Variants in YAE1 observed in about 807,000 individuals in gnomAD.
YAE1 encodes protein YAE1 homolog.
YAE1 carries 22 observed loss-of-function variants against 23.0 expected under a neutral mutation model. The ratio of observed to expected loss-of-function variants is 0.96; its 90% CI spans 0.68 to 1.37. YAE1 has a LOEUF of 1.37. YAE1 is among the 40% of genes most tolerant of loss of function. The pLI, the probability that YAE1 is intolerant of heterozygous loss-of-function variation, is 0.00. For synonymous variants in YAE1, 101 were observed against 97.0 expected, an observed-to-expected ratio of 1.04 and a Z score of -0.24; for missense variants, 260 against 262.1, an observed-to-expected ratio of 0.99 and a Z score of 0.06.
At chr7:39,591,597 C>G (rs564551855) in intron 2 of YAE1, among the ~76,000 whole-genome samples, 1 of 151,672 alleles carries the variant, frequency 6.6e-6, no homozygotes, top group East Asian at 1.9e-4. Flanking sequence ...CTCCTGCCCC[C>G]ACACATGCAT....
At position 39,570,494 on chromosome 7, in the gene YAE1, A is replaced by G. The variant is rs962192529; in HGVS notation, c.130-12A>G. 5.6e-6 allele frequency: 9 copies of G among 1,607,086 alleles called. No individual in the cohort carries two copies. The highest frequency in any genetic ancestry group is 7.6e-6 in the Non-Finnish European group (9 of 1,178,634). On this transcript the variant is annotated splice_polypyrimidine_tract_variant and intron_variant, in intron 1 of 2. Coordinates refer to ENST00000223273, the MANE Select transcript of YAE1 (RefSeq NM_020192.5). ...TTAGTTACAGCTGCACTTCTCCATT[A>G]CTTATTTTTAGGAAGGTTATAGAGA...
At chr7:39,569,833 A>G in intron 1 of YAE1, 1 of 804,000 alleles carries the variant, frequency 1.2e-6, no homozygotes, top group Non-Finnish European at 2.2e-6. Flanking sequence ...AAGTTTATGA[A>G]GTCCTTCTGA....
chr7:39,577,562 G>A (rs564294071), downstream of YAE1, among the ~76,000 whole-genome samples: 180 of 152,328 alleles, frequency 1.2e-3, no homozygotes, highest in African/African-American at 4.3e-3. Flanking sequence ...GCTGCAGAGG[G>A]TGCACCAGGT....
intron 2 of YAE1, among the ~76,000 whole-genome samples, chr7:39,593,753 C>T (rs905877496): frequency 2.0e-5 from 3 of 152,206 alleles, no homozygotes; most frequent in African/African-American, 7.2e-5. Flanking sequence ...GCCACCGCAT[C>T]CAGCCTGGTT....
At chr7:39,578,465 T>G (rs191209562) in intron 2 of YAE1, among the ~76,000 whole-genome samples, 24 of 152,372 alleles carry the variant, frequency 1.6e-4, no homozygotes, top group Admixed American at 1.2e-3. Context: ...TAAATCTTTC[T>G]GCTGTTCACT....
In YAE1 at chr7:39,566,462, A is replaced by T; in HGVS notation, c.44A>T (p.Asp15Val). The T allele has an allele frequency of 1.2e-6, 2 of 1,614,180 alleles. No individual in the cohort carries two copies. Among genetic ancestry groups the T allele is most frequent in the South Asian group, 2.2e-5 (2 of 91,084 alleles). The change falls in exon 1 of 3, where the codon GAC (aspartate) becomes GTC (valine). Residue 15 changes from aspartate to valine, a missense_variant. Transcript: ENST00000223273. ...GCCTCCTTGATCCAGGGCCCTGGAG[A>T]CAAAGGGGACGTGTTTGACGAAGAA... ...QAASLIQGPG[D>V]KGDVFDEEAD...
At chr7:39,594,142 C>A (rs1790944108) in intron 2 of YAE1, among the ~76,000 whole-genome samples, 1 of 152,212 alleles carries the variant, frequency 6.6e-6, no homozygotes, top group Non-Finnish European at 1.5e-5. Context: ...TAGCTGAAAT[C>A]TTTGTTCCAT....
intron 1 of YAE1, chr7:39,569,657 AT>A: frequency 1.5e-6 from 1 of 670,634 alleles, no homozygotes; most frequent in Non-Finnish European, 2.9e-6. Flanking sequence ...GAAAAACAGC[AT>A]ATGATCCCCA....
downstream of YAE1, among the ~76,000 whole-genome samples, chr7:39,573,741 A>G (rs1372676847): frequency 6.6e-6 from 1 of 152,172 alleles, no homozygotes; most frequent in Non-Finnish European, 1.5e-5. Context: ...TTAAAAATGT[A>G]CACTGTACTA....
At chr7:39,593,177 C>CTTTTTTTTTTTTTTTTTTTTTTTT (rs56303591) in intron 2 of YAE1, among the ~76,000 whole-genome samples, 1 of 72,112 alleles carries the variant, frequency 1.4e-5, no homozygotes, top group Non-Finnish European at 2.3e-5. Flanking sequence ...TTGGTTATTT[C>CTTTTTTTTTTTTTTTTTTTTTTTT]TTTTTTTTTT....
intron 2 of YAE1, among the ~76,000 whole-genome samples, chr7:39,594,561 G>A (rs912445123): frequency 6.6e-6 from 1 of 151,652 alleles, no homozygotes; most frequent in Admixed American, 6.6e-5. Flanking sequence ...TTGTGGAATG[G>A]TTGGTCTGAT....
exon 3 of YAE1, chr7:39,610,166 G>A: frequency 1.3e-6 from 1 of 762,954 alleles, no homozygotes; most frequent in South Asian, 1.9e-5. Context: ...TTTGGGAGGA[G>A]TATGAGAAAA....
At chr7:39,567,213 C>G (rs1170919938) in intron 1 of YAE1, among the ~76,000 whole-genome samples, 1 of 152,106 alleles carries the variant, frequency 6.6e-6, no homozygotes. Context: ...ATTAAATTGC[C>G]GCTAAAGCTG....
rs761611997 is a variant in YAE1 at position 39,566,532 on chromosome 7, G to A, written c.114G>A (p.Met38Ile). ...CGCAGCGGGAATGGCAGAGTAACAT[G>A]CAAAGACGAGTCAAAGTAAACGTGG... ...LLAQREWQSN[M>I]QRRVKEGYRD... The change falls in exon 1 of 3, where the codon ATG (methionine) becomes ATA (isoleucine). Residue 38 changes from methionine (M) to isoleucine (I), a missense_variant. By Grantham distance (10) the Met-to-Ile change is conservative. Transcript: ENST00000223273. 40 of 1,613,880 alleles carry A rather than the reference G, an allele frequency of 2.5e-5. No homozygotes were observed. Among genetic ancestry groups the A allele is most frequent in the Non-Finnish European group, 3.4e-5 (40 of 1,179,916 alleles).
At chr7:39,598,506 G>A (rs1791009996) in intron 2 of YAE1, among the ~76,000 whole-genome samples, 1 of 148,838 alleles carries the variant, frequency 6.7e-6, no homozygotes, top group Admixed American at 6.7e-5. Context: ...GCAAGGTGCA[G>A]TGGCTCACAC....
chr7:39,611,492 T>A (rs900002956), downstream of YAE1, among the ~76,000 whole-genome samples: 1 of 152,208 alleles, frequency 6.6e-6, no homozygotes, highest in Admixed American at 6.5e-5. Context: ...GCACTGCTAG[T>A]TGCAGGAGCA....
chr7:39,605,409 A>G (rs1035891131), intron 2 of YAE1, among the ~76,000 whole-genome samples: 21 of 152,242 alleles, frequency 1.4e-4, no homozygotes, highest in Non-Finnish European at 2.8e-4. Context: ...CCTATCTACT[A>G]TGGGTAGCCC....
At chr7:39,579,619 G>C (rs895413482) in intron 2 of YAE1, among the ~76,000 whole-genome samples, 2 of 148,902 alleles carry the variant, frequency 1.3e-5, no homozygotes, top group African/African-American at 5.0e-5. Context: ...AGTGAGCTGA[G>C]ATCACGCCAC....
chr7:39,569,719 A>G, intron 1 of YAE1: 1 of 727,522 alleles, frequency 1.4e-6, no homozygotes, highest in Non-Finnish European at 2.6e-6. Context: ...GTCCTGATCC[A>G]CGTAGATAGC....
Sources: gnomAD v4.1 joint callset for allele counts (sites outside exome capture counted in the v4.1 genomes callset) on GRCh38, gnomAD v4.1.1 for gene constraint, MANE v1.5 for transcripts, NCBI Gene and HGNC (gene_info 2026-07-23, HGNC 2026-07-21) for gene names.